The following COL6A1 variants were observed in gnomAD, a reference collection of about 807,000 sequenced individuals.
COL6A1 encodes collagen alpha-1(VI) chain.
A neutral mutation model predicts 145.6 loss-of-function variants in COL6A1; 80 were observed. The ratio of observed to expected loss-of-function variants is 0.55; its 90% CI spans 0.46 to 0.66. The LOEUF (loss-of-function observed/expected upper bound fraction) is 0.66. COL6A1 is among the 30% of genes least tolerant of loss of function. The pLI is 0.00. For synonymous variants in COL6A1, 638 were observed against 622.8 expected (o/e 1.02, Z -0.36); for missense variants, 1,364 against 1,473.8 (o/e 0.93, Z 1.22).
intron 30 of COL6A1, 22 bp downstream of exon 30, chr21:46,001,408 C>T (rs773530383): frequency 6.2e-7 from 1 of 1,606,332 alleles, no homozygotes; most frequent in Non-Finnish European, 8.5e-7. Flanking sequence ...CCCCGCCCGG[C>T]TTTCTCAAGC....
intron 2 of COL6A1, among the ~76,000 whole-genome samples, chr21:45,983,244 A>C (rs1230527301): frequency 1.3e-5 from 2 of 152,014 alleles, no homozygotes; most frequent in Non-Finnish European, 2.9e-5. Flanking sequence ...GGGAGCCAGG[A>C]GGGGTGTCGC....
Position 46,002,301 on chromosome 21 carries a change from C to T in COL6A1, c.2150C>T (p.Pro717Leu), listed in dbSNP as rs1345316255. Residue 717 changes from proline to leucine, a missense_variant, in exon 32 of 35, where the codon CCC becomes CTC. Transcript: ENST00000361866. ...LQYTRDQLLP[P>L]SPNNRIALVI... ...TACACGCGGGACCAGCTGCTGCCGCCCAGCCCGAACAACCGCATCGCCCTG... is the reference window on the plus strand; with the variant it reads ...TACACGCGGGACCAGCTGCTGCCGCTCAGCCCGAACAACCGCATCGCCCTG... 4 of 1,593,914 alleles carry T rather than the reference C, an allele frequency of 2.5e-6. No homozygotes were observed. The highest frequency in any genetic ancestry group is 1.7e-6 in the Non-Finnish European group (2 of 1,172,492).
chr21:45,986,775 C>T (rs566110491), intron 4 of COL6A1, 90 bp downstream of exon 4: 40 of 1,517,462 alleles, frequency 2.6e-5, no homozygotes, highest in Middle Eastern at 2.3e-4. Context: ...TTTTGGTCCT[C>T]GGGAGGGTGT....
intron 4 of COL6A1, 106 bp downstream of exon 4, chr21:45,986,791 C>T: frequency 6.6e-7 from 1 of 1,514,014 alleles, no homozygotes; most frequent in Non-Finnish European, 8.8e-7. Context: ...GGTGTGGGTT[C>T]TCCAGCCGGC....
Position 45,987,607 on chromosome 21 carries a change from C to A in COL6A1, c.760-3C>A. On this transcript the variant is annotated splice_region_variant and splice_polypyrimidine_tract_variant and intron_variant, in intron 7 of 34. Coordinates refer to ENST00000361866, the MANE Select transcript of COL6A1 (RefSeq NM_001848.3). ...CTGGCTGACCGTCCCCTCTGCCTTG[C>A]AGCCTGCAAGAGGACCTCCGGGGCT... 1 of 1,612,198 alleles carries A rather than the reference C, an allele frequency of 6.2e-7. No homozygotes were observed. Among genetic ancestry groups the A allele is most frequent in the Non-Finnish European group, 8.5e-7 (1 of 1,179,812 alleles).
chr21:45,995,652 C>T (rs546929884), intron 20 of COL6A1, among the ~76,000 whole-genome samples: 5 of 152,206 alleles, frequency 3.3e-5, no homozygotes, highest in Non-Finnish European at 7.3e-5. Context: ...GTGAGCAGGC[C>T]GGCTGCAGGG....
Position 46,003,639 on chromosome 21 carries a change from G to T in COL6A1, c.2713G>T (p.Asp905Tyr), listed in dbSNP as rs149331149. 5 of 1,613,036 alleles carry T rather than the reference G, an allele frequency of 3.1e-6. No homozygotes were observed. Among genetic ancestry groups the T allele is most frequent in the Non-Finnish European group, 4.2e-6 (5 of 1,179,946 alleles). Residue 905 changes from aspartate (D) to tyrosine (Y), a missense_variant, in exon 35 of 35, where the codon GAT becomes TAT. Coordinates refer to ENST00000361866, the MANE Select transcript of COL6A1 (RefSeq NM_001848.3). ...QNYTALASAV[D>Y]AMDFINDATD... is the part of the protein sequence containing the mutation. The stretch of plus-strand genomic sequence containing the variant: ...CTACACGGCCCTGGCCAGTGCCGTC[G>T]ATGCCATGGACTTTATCAACGACGC...
chr21:45,995,712 TG>T (rs2077801116), intron 20 of COL6A1, among the ~76,000 whole-genome samples: 2 of 152,138 alleles, frequency 1.3e-5, no homozygotes, highest in South Asian at 2.1e-4. Context: ...GTCCCATGCC[TG>T]GGGGTCTGGG....
In COL6A1 at chr21:46,003,714, G is replaced by A; in HGVS notation, c.2788G>A (p.Ala930Thr). Residue 930 changes from alanine (A) to threonine (T), a missense_variant, in exon 35 of 35, where the codon GCC becomes ACC. Around this residue, in one of 3 missense-constraint regions of COL6A1, gnomAD observed 938 missense variants for 1,003.8 expected, o/e 0.93. Transcript: ENST00000361866. The part of the protein sequence containing the change: ...LGYVTRFYRE[A>T]SSGAAKKRLL... The stretch of plus-strand genomic sequence containing the variant: ...CTATGTGACCCGCTTCTACCGCGAG[G>A]CCTCGTCCGGCGCTGCCAAGAAGAG... 6.2e-7 allele frequency: 1 copy of A among 1,613,028 alleles called. No individual in the cohort carries two copies. The highest frequency in any genetic ancestry group is 8.5e-7 in the Non-Finnish European group (1 of 1,179,924).
At position 46,002,667 on chromosome 21, in the gene COL6A1, G is replaced by A; in HGVS notation, c.2391G>A (p.Leu797=). The change falls in exon 33 of 35, where the codon CTG becomes CTA. Residue 797 remains leucine, a synonymous_variant. Transcript: ENST00000361866. ...SLVKENYAEL[L]EDAFLKNVTA... ...TCAAGGAGAACTATGCAGAGCTGCT[G>A]GAGGATGCCTTCCTGAAGAATGTCA... 1 of 1,613,850 alleles carries A rather than the reference G, an allele frequency of 6.2e-7. No individual in the cohort carries two copies. Among genetic ancestry groups the A allele is most frequent in the East Asian group, 2.2e-5 (1 of 44,880 alleles).
rs890068806 is a variant in COL6A1 at position 46,003,779 on chromosome 21, G to A, written c.2853G>A (p.Thr951=). 32 of 1,611,690 alleles carry A rather than the reference G, an allele frequency of 2.0e-5. No homozygotes were observed. The highest frequency in any genetic ancestry group is 6.7e-5 in the Admixed American group (4 of 59,964). ...LFSDGNSQGA[T]PAAIEKAVQE... ...CAGATGGCAACTCGCAGGGCGCCAC[G>A]CCCGCTGCCATCGAGAAGGCCGTGC... is the stretch of plus-strand genomic sequence containing the variant. The change falls in exon 35 of 35, where the codon ACG becomes ACA. Residue 951 remains threonine, a synonymous_variant. Coordinates refer to ENST00000361866, the MANE Select transcript of COL6A1 (RefSeq NM_001848.3).
At chr21:45,986,727 G>C in intron 4 of COL6A1, 42 bp downstream of exon 4, 1 of 1,537,920 alleles carries the variant, frequency 6.5e-7, no homozygotes. Flanking sequence ...CAACCACAGG[G>C]AGTGGCGGCT....
intron 1 of COL6A1, 67 bp downstream of exon 1, chr21:45,982,014 G>A (rs910452846): frequency 7.6e-7 from 1 of 1,308,056 alleles, no homozygotes; most frequent in South Asian, 1.3e-5. Flanking sequence ...GGCCAGATGC[G>A]CGGGGTCCCC....
In COL6A1 at chr21:46,004,378, T is replaced by G; in HGVS notation, c.*365T>G. 1 of 369,998 alleles carries G rather than the reference T, an allele frequency of 2.7e-6. No individual in the cohort carries two copies. 22.9% of individuals were successfully genotyped at this position (369,998 alleles called of 1,614,324 possible). Reference sequence around the variant, plus strand: ...CCCGGGCTCTCCTGCCCTGCCCTCCTGCCCGCCCTCCCTCCTGCCTGCGCA... The same window carrying G: ...CCCGGGCTCTCCTGCCCTGCCCTCCGGCCCGCCCTCCCTCCTGCCTGCGCA... On this transcript the variant is annotated 3_prime_UTR_variant, in exon 35 of 35. Coordinates refer to ENST00000361866, the MANE Select transcript of COL6A1 (RefSeq NM_001848.3).
intron 15 of COL6A1, among the ~76,000 whole-genome samples, chr21:45,991,546 G>A (rs958792456): frequency 3.3e-5 from 5 of 152,320 alleles, no homozygotes; most frequent in African/African-American, 9.6e-5. Context: ...TGAGTCTGCC[G>A]TTGCTGGTGT....
intron 20 of COL6A1, among the ~76,000 whole-genome samples, chr21:45,995,885 GGAGCCAC>G (rs1267939816): frequency 1.3e-5 from 2 of 152,228 alleles, no homozygotes; most frequent in African/African-American, 2.4e-5. Context: ...AGGTGGCTTT[GGAGCCAC>G]ATTTGTCCAT....
intron 3 of COL6A1, among the ~76,000 whole-genome samples, chr21:45,984,701 G>A (rs908106899): frequency 1.3e-5 from 2 of 151,530 alleles, no homozygotes; most frequent in Non-Finnish European, 3.0e-5. Flanking sequence ...GACAGAGAGA[G>A]ATAGAGACAG....
rs1447613750 is a variant in COL6A1, at chr21:46,001,317, G to A, written c.1887G>A (p.Gln629=). The A allele has an allele frequency of 1.9e-6, 3 of 1,612,876 alleles. No homozygotes were observed. The highest frequency in any genetic ancestry group is 2.5e-6 in the Non-Finnish European group (3 of 1,179,910). ...ACAGCTCAGAGAGCATTGGCCTGCA[G>A]AACTTCGAGATTGCCAAGGACTTCG... ...VLDSSESIGL[Q]NFEIAKDFVV... is the part of the protein sequence containing the mutation. Residue 629 remains glutamine, a synonymous_variant, in exon 30 of 35, where the codon CAG becomes CAA. Transcript: ENST00000361866.
chr21:45,993,814 G>A (rs1048098118), intron 19 of COL6A1, among the ~76,000 whole-genome samples: 1 of 152,366 alleles, frequency 6.6e-6, no homozygotes, highest in African/African-American at 2.4e-5. Flanking sequence ...GAGCCCAGAG[G>A]AAGGGCCAGC....
Sources: allele counts gnomAD v4.1 joint callset (sites outside exome capture counted in the v4.1 genomes callset), GRCh38; gene constraint gnomAD v4.1.1; regional missense constraint gnomAD v4.1.1; transcripts MANE v1.5; gene names NCBI Gene and HGNC (gene_info 2026-07-23, HGNC 2026-07-21).